AAK1: variants seen among roughly 807,000 people sequenced by gnomAD.
The protein encoded by AAK1 is AP2-associated protein kinase 1.
In AAK1, 37 loss-of-function variants were observed where a neutral mutation model predicts 116.0. That is an observed-to-expected ratio of 0.32 (90% CI 0.25 to 0.42). AAK1 has a LOEUF of 0.42. AAK1 is among the 10% of genes least tolerant of loss of function. AAK1 has a pLI of 1.00. For missense variants in AAK1, 919 were observed against 1,170.6 expected (o/e 0.79, Z 3.14); for synonymous variants, 458 against 439.9 (o/e 1.04, Z -0.51).
intron 16 of AAK1, among the ~76,000 whole-genome samples, chr2:69,502,529 G>A (rs902826996): frequency 6.6e-6 from 1 of 152,200 alleles, no homozygotes. Flanking sequence ...GCTGAGGCAG[G>A]AGAATCGCTT....
intron 17 of AAK1, among the ~76,000 whole-genome samples, chr2:69,489,612 A>G (rs1675444130): frequency 6.6e-6 from 1 of 152,184 alleles, no homozygotes; most frequent in Non-Finnish European, 1.5e-5. Flanking sequence ...CCACCAAAAA[A>G]GAGGACACGG....
intron 2 of AAK1, among the ~76,000 whole-genome samples, chr2:69,611,194 C>T (rs1031384569): frequency 3.3e-5 from 5 of 152,136 alleles, no homozygotes; most frequent in African/African-American, 1.2e-4. Context: ...GGGCACCATC[C>T]AACTGGCTGC....
chr2:69,534,787 A>G (rs556789424), intron 5 of AAK1, among the ~76,000 whole-genome samples: 4 of 152,346 alleles, frequency 2.6e-5, no homozygotes, highest in South Asian at 2.1e-4. Flanking sequence ...CAGACTTAAA[A>G]TATTTATTAT....
Position 69,466,977 on chromosome 2 carries a change from C to T in AAK1, c.*8892G>A, listed in dbSNP as rs1010219569. Reference sequence around the variant, plus strand: ...GTCTGGGGATGACTCAATTCAGAATCTGGCATGTGGTCATCCGCGCCACAT... The same window carrying T: ...GTCTGGGGATGACTCAATTCAGAATTTGGCATGTGGTCATCCGCGCCACAT... On this transcript the variant is annotated 3_prime_UTR_variant, in exon 22 of 22. Coordinates refer to ENST00000409085, the MANE Select transcript of AAK1 (RefSeq NM_014911.5). 5 of 985,304 alleles carry T rather than the reference C, an allele frequency of 5.1e-6. No individual in the cohort carries two copies. The African/African-American group carries it at 8.7e-5, about 17-fold the overall frequency. The allele number at this position is 985,304 out of a possible 1,614,324, so 61.0% of individuals were successfully genotyped here.
At position 69,461,265 on chromosome 2, in the gene AAK1, G is replaced by A. The variant is rs1471962689; in HGVS notation, c.*14604C>T. 5.7e-6 allele frequency: 1 copy of A among 173,980 alleles called. No individual in the cohort carries two copies. The highest frequency in any genetic ancestry group is 1.2e-5 in the Non-Finnish European group (1 of 81,568). 10.8% of individuals were successfully genotyped at this position (173,980 alleles called of 1,614,324 possible). A position where few individuals can be genotyped will look rare whatever the true frequency, so the allele number is the denominator to read the frequency against. Reference sequence around the variant, plus strand: ...CAGGCTGGACCATATAGCCTAGGTAGGTAGTAGGCCGTGCCATCTAGGTTT... The same window carrying A: ...CAGGCTGGACCATATAGCCTAGGTAAGTAGTAGGCCGTGCCATCTAGGTTT... On this transcript the variant is annotated 3_prime_UTR_variant, in exon 22 of 22. Transcript: ENST00000409085.
rs1266376721 is a variant in AAK1, at chr2:69,476,865, C to T, written c.2791+15G>A. The T allele has an allele frequency of 1.9e-6, 3 of 1,594,190 alleles. No individual in the cohort carries two copies. Among genetic ancestry groups the T allele is most frequent in the Non-Finnish European group, 2.6e-6 (3 of 1,163,510 alleles). On this transcript the variant is annotated intron_variant, in intron 21 of 21. Transcript: ENST00000409085. ...TGAGGCCAAGCTCTTCTCTTTTCCC[C>T]ATCCTTTTTCTTACCTTGTGGGTTT...
intron 17 of AAK1, among the ~76,000 whole-genome samples, chr2:69,485,355 CA>C (rs1675252583): frequency 6.6e-6 from 1 of 152,212 alleles, no homozygotes; most frequent in African/African-American, 2.4e-5. Flanking sequence ...GACTCTGGCA[CA>C]GTTCCTTAAC....
chr2:69,552,072 G>A (rs1300806351), intron 3 of AAK1, among the ~76,000 whole-genome samples: 2 of 152,228 alleles, frequency 1.3e-5, no homozygotes, highest in East Asian at 3.9e-4. Flanking sequence ...TGGGGTTATG[G>A]CTTCTATCTG....
chr2:69,519,041 C>G lies in AAK1; in HGVS notation c.1410G>C (p.Lys470Asn). 6.4e-7 allele frequency: 1 copy of G among 1,550,886 alleles called. No individual in the cohort carries two copies. The highest frequency in any genetic ancestry group is 8.7e-7 in the Non-Finnish European group (1 of 1,146,816). ...TPQHQQQLFL[K>N]QQQQQQQPPP... ...GTGGCTGTTGCTGCTGCTGTTGCTG[C>G]TTGAGGAAGAGTTGCTGCTGGTGCT... The change falls in exon 12 of 22, where the codon AAG becomes AAC. Residue 470 changes from lysine to asparagine, a missense_variant. Lys to Asn is a moderately conservative substitution (Grantham distance 94). Around this residue, in one of 4 missense-constraint regions of AAK1, gnomAD observed 214 missense variants for 210.6 expected, o/e 1.02. Coordinates refer to ENST00000409085, the MANE Select transcript of AAK1 (RefSeq NM_014911.5).
intron 12 of AAK1, among the ~76,000 whole-genome samples, chr2:69,515,792 T>C (rs2312210): frequency 0.038 from 5,829 of 152,072 alleles, 323 homozygotes; most frequent in East Asian, 0.18. Context: ...GAGGATACTG[T>C]TTGTCTACTG....
At chr2:69,611,347 A>G (rs1158943070) in intron 2 of AAK1, among the ~76,000 whole-genome samples, 1 of 151,898 alleles carries the variant, frequency 6.6e-6, no homozygotes, top group Non-Finnish European at 1.5e-5. Flanking sequence ...CTGCTTTTGG[A>G]CTTTGGGACT....
In AAK1 at chr2:69,473,895, A is replaced by G; in HGVS notation, c.*1974T>C. 1 of 985,680 alleles carries G rather than the reference A, an allele frequency of 1.0e-6. No individual in the cohort carries two copies. The highest frequency in any genetic ancestry group is 1.2e-6 in the Non-Finnish European group (1 of 829,884). 61.1% of individuals were successfully genotyped at this position (985,680 alleles called of 1,614,324 possible). On this transcript the variant is annotated 3_prime_UTR_variant, in exon 22 of 22. Transcript: ENST00000409085. Reference sequence around the variant, plus strand: ...TCCATAAAGGGGTAAACCAAGTCCTATTTTCACTGCTATCCAACCACAGAG... The same window carrying G: ...TCCATAAAGGGGTAAACCAAGTCCTGTTTTCACTGCTATCCAACCACAGAG...
chr2:69,551,072 C>T (rs1425737047), intron 3 of AAK1, among the ~76,000 whole-genome samples: 1 of 151,326 alleles, frequency 6.6e-6, no homozygotes, highest in Non-Finnish European at 1.5e-5. Context: ...CAAATTCAAA[C>T]AATTATGTAT....
intron 2 of AAK1, among the ~76,000 whole-genome samples, chr2:69,633,493 T>C (rs2312216): frequency 0.52 from 77,724 of 150,756 alleles, 22,529 homozygotes; most frequent in African/African-American, 0.77. Context: ...ACCAGCTACT[T>C]GGGAGACTGA....
chr2:69,507,431 C>T lies in AAK1; in HGVS notation c.2154G>A (p.Lys718=). The change falls in exon 15 of 22, where the codon AAG becomes AAA. Residue 718 remains lysine (K), a synonymous_variant. Transcript: ENST00000409085. Reference sequence around the variant, plus strand: ...ACACAGCTTACTCACCTTCCCCAAGCTTGGCAAAGTCCTTGTTTAGCAGTT... The same window carrying T: ...ACACAGCTTACTCACCTTCCCCAAGTTTGGCAAAGTCCTTGTTTAGCAGTT... ...AEELLNKDFA[K]LGEGKHPEKL... 6.2e-7 allele frequency: 1 copy of T among 1,612,472 alleles called. No individual in the cohort carries two copies. Among genetic ancestry groups the T allele is most frequent in the East Asian group, 2.2e-5 (1 of 44,852 alleles).
Position 69,469,386 on chromosome 2 carries a change from A to G in AAK1, c.*6483T>C, listed in dbSNP as rs1053467345. ...TAACCATTAAATCTTGTTGGCAGATAAAAGTCTTTTTTTGAGTATGTGAAT... is the reference window on the plus strand; with the variant it reads ...TAACCATTAAATCTTGTTGGCAGATGAAAGTCTTTTTTTGAGTATGTGAAT... On this transcript the variant is annotated 3_prime_UTR_variant, in exon 22 of 22. Transcript: ENST00000409085. 4 of 985,474 alleles carry G rather than the reference A, an allele frequency of 4.1e-6. No individual in the cohort carries two copies. Among genetic ancestry groups the G allele is most frequent in the Admixed American group, 6.1e-5 (1 of 16,292 alleles). The allele number at this position is 985,474 out of a possible 1,614,324, so 61.0% of individuals were successfully genotyped here.
intron 2 of AAK1, among the ~76,000 whole-genome samples, chr2:69,571,972 C>T (rs968063674): frequency 3.9e-5 from 6 of 152,240 alleles, no homozygotes; most frequent in South Asian, 4.2e-4. Context: ...AGCCCTCAAA[C>T]GGGAGGAAAC....
At chr2:69,636,974 A>T (rs1675473628) in intron 2 of AAK1, among the ~76,000 whole-genome samples, 1 of 152,206 alleles carries the variant, frequency 6.6e-6, no homozygotes, top group African/African-American at 2.4e-5. Flanking sequence ...TGTTGGGATT[A>T]CAGGCATGAG....
intron 17 of AAK1, among the ~76,000 whole-genome samples, chr2:69,492,512 CCAATT>C (rs1675565449): frequency 2.4e-5 from 3 of 126,704 alleles, no homozygotes; most frequent in Non-Finnish European, 4.7e-5. Flanking sequence ...CCGTGCCTGG[CCAATT>C]CTTTTTTTTT....
Sources: allele counts gnomAD v4.1 joint callset (sites outside exome capture counted in the v4.1 genomes callset), GRCh38; gene constraint gnomAD v4.1.1; regional missense constraint gnomAD v4.1.1; transcripts MANE v1.5; gene names NCBI Gene and HGNC (gene_info 2026-07-23, HGNC 2026-07-21).